AQP9: variants seen among roughly 807,000 people sequenced by gnomAD.
AQP9 encodes the protein aquaporin-9.
AQP9 carries 19 observed loss-of-function variants against 23.8 expected under a neutral mutation model. The ratio of observed to expected loss-of-function variants is 0.80; its 90% CI spans 0.56 to 1.17. The LOEUF is 1.17. Among genes scored for constraint, AQP9 ranks in the 50% most tolerant of loss-of-function variants. AQP9 has a pLI of 0.00. For synonymous variants in AQP9, 153 were observed against 131.5 expected, an observed-to-expected ratio of 1.16 and a Z score of -1.12; for missense variants, 413 against 362.0, an observed-to-expected ratio of 1.14 and a Z score of -1.14.
At chr15:58,163,022 C>A (rs1188105269) in intron 1 of AQP9, among the ~76,000 whole-genome samples, 2 of 152,220 alleles carry the variant, frequency 1.3e-5, no homozygotes, top group Admixed American at 1.3e-4. Flanking sequence ...TTGGTCTTCA[C>A]ATCCATTAAT....
intron 4 of AQP9, among the ~76,000 whole-genome samples, chr15:58,177,605 T>A (rs1898787740): frequency 6.6e-6 from 1 of 152,252 alleles, no homozygotes; most frequent in Non-Finnish European, 1.5e-5. Context: ...ATTCTTCTGC[T>A]TACAAGTTTG....
rs1898020752 is a variant in AQP9, at chr15:58,145,096, G to C, written c.111+6420G>C. Among the ~76,000 whole-genome samples, 3 of 151,296 alleles carry C rather than the reference G, an allele frequency of 2.0e-5. No homozygotes were observed. The South Asian group carries it at 6.3e-4, about 32-fold the overall frequency. On this transcript the variant is annotated intron_variant, in intron 1 of 5. Coordinates refer to ENST00000219919, the MANE Select transcript of AQP9 (RefSeq NM_020980.5). Reference sequence around the variant, plus strand: ...TCCTCTTTTCAATTTTTAAAAAGAAGTTTGTTTTCCATTTCAGTAATTTCT... The same window carrying C: ...TCCTCTTTTCAATTTTTAAAAAGAACTTTGTTTTCCATTTCAGTAATTTCT...
intron 1 of AQP9, among the ~76,000 whole-genome samples, chr15:58,160,917 G>A (rs1898366247): frequency 1.3e-5 from 2 of 152,196 alleles, no homozygotes; most frequent in Non-Finnish European, 2.9e-5. Context: ...ATGAAAATAA[G>A]TGTCATCAGC....
chr15:58,164,934 C>G (rs1898466292), intron 1 of AQP9, among the ~76,000 whole-genome samples: 1 of 152,098 alleles, frequency 6.6e-6, no homozygotes, highest in Non-Finnish European at 1.5e-5. Flanking sequence ...CCATTTTCAG[C>G]TCTATATGAA....
In AQP9 at chr15:58,174,950, C is replaced by T. The variant is rs780139555; in HGVS notation, c.409C>T (p.Leu137=). Residue 137 remains leucine, a synonymous_variant, in exon 4 of 6, where the codon CTG becomes TTG. Transcript: ENST00000219919. The part of the protein sequence containing the change: ...GLMSFAGGKL[L]IVGENATAHI... ...TATGTCCTTTGCTGGTGGAAAACTG[C>T]TGATCGTGGGAGAAAATGCAACAGC... 3 of 1,614,192 alleles carry T rather than the reference C, an allele frequency of 1.9e-6. No individual in the cohort carries two copies. The highest frequency in any genetic ancestry group is 2.5e-6 in the Non-Finnish European group (3 of 1,179,990).
At chr15:58,180,710 C>T (rs747384801) in intron 5 of AQP9, among the ~76,000 whole-genome samples, 1 of 152,102 alleles carries the variant, frequency 6.6e-6, no homozygotes, top group Non-Finnish European at 1.5e-5. Flanking sequence ...TTGGTTGTCA[C>T]GGCTGGACCT....
At chr15:58,143,686 T>A (rs1470016150) in intron 1 of AQP9, among the ~76,000 whole-genome samples, 1 of 152,212 alleles carries the variant, frequency 6.6e-6, no homozygotes, top group South Asian at 2.1e-4. Context: ...AATTTGAGAC[T>A]TTTTCCCAGA....
intron 1 of AQP9, chr15:58,152,401 A>G (rs1308542170): frequency 6.6e-6 from 1 of 152,234 alleles, no homozygotes; most frequent in Non-Finnish European, 1.5e-5. Context: ...GTATTACATT[A>G]ACAGTATTAA....
At chr15:58,176,026 C>A (rs1169200103) in intron 4 of AQP9, among the ~76,000 whole-genome samples, 1 of 152,196 alleles carries the variant, frequency 6.6e-6, no homozygotes, top group Admixed American at 6.5e-5. Flanking sequence ...CTCCAACTTC[C>A]TGCGTGGCTT....
At chr15:58,171,471 T>C (rs148245155) in intron 2 of AQP9, among the ~76,000 whole-genome samples, 3 of 152,268 alleles carry the variant, frequency 2.0e-5, no homozygotes, top group Non-Finnish European at 4.4e-5. Flanking sequence ...GAAGAGAAAC[T>C]TCCCACTGCC....
intron 1 of AQP9, among the ~76,000 whole-genome samples, chr15:58,162,130 C>A (rs181349764): frequency 6.6e-6 from 1 of 152,224 alleles, no homozygotes; most frequent in African/African-American, 2.4e-5. Context: ...GGTTAATTAC[C>A]GTGTCATAAT....
chr15:58,172,087 T>C (rs1262047619), intron 2 of AQP9, among the ~76,000 whole-genome samples: 1 of 152,202 alleles, frequency 6.6e-6, no homozygotes, highest in Admixed American at 6.5e-5. Context: ...ATAAACACGG[T>C]GAAGATGGGC....
chr15:58,184,039 T>C lies in AQP9; in HGVS notation c.792T>C (p.Leu264=), dbSNP rs140578393. 42 of 1,614,136 alleles carry C rather than the reference T, an allele frequency of 2.6e-5. No individual in the cohort carries two copies. In the African/African-American group the frequency reaches 4.5e-4, roughly 17 times the overall value. ...TCATTGGAGGCCTCATCTATGTTCTTGTCATTGAAATCCACCATCCAGAGC... is the reference window on the plus strand; with the variant it reads ...TCATTGGAGGCCTCATCTATGTTCTCGTCATTGAAATCCACCATCCAGAGC... ...GAVIGGLIYV[L]VIEIHHPEPD... Residue 264 remains leucine, a synonymous_variant, in exon 6 of 6, where the codon CTT becomes CTC. Coordinates refer to ENST00000219919, the MANE Select transcript of AQP9 (RefSeq NM_020980.5).
rs1363399591 is a variant in AQP9 at position 58,175,054 on chromosome 15, A to G, written c.495+18A>G. 3 of 1,587,390 alleles carry G rather than the reference A, an allele frequency of 1.9e-6. No homozygotes were observed. In the South Asian group the frequency reaches 3.3e-5, roughly 18 times the overall value. ...CAGATCAAGTAAGTGTAGATTCAAC[A>G]AAGACTTAACTTTGGTGAAAAGATA... is the stretch of plus-strand genomic sequence containing the variant. On this transcript the variant is annotated intron_variant, in intron 4 of 5. Coordinates refer to ENST00000219919, the MANE Select transcript of AQP9 (RefSeq NM_020980.5).
chr15:58,156,528 A>G lies in AQP9; in HGVS notation c.112-10145A>G, dbSNP rs141287570. ...TAGTACATTAAATCATTCATCGAAC[A>G]TAGCGCATTTCAGTCAAGAAACTCC... On this transcript the variant is annotated intron_variant, in intron 1 of 5. Transcript: ENST00000219919. 4.4e-3 allele frequency among the ~76,000 whole-genome samples: 668 copies of G among 152,316 alleles called. 7 individuals are homozygous for G. The highest frequency in any genetic ancestry group is 0.015 in the African/African-American group (613 of 41,588).
At position 58,166,750 on chromosome 15, in the gene AQP9, A is replaced by AT. The variant is rs762320120; in HGVS notation, c.193dup (p.Ser65PhefsTer62). On this transcript the variant is annotated frameshift_variant, in exon 2 of 6. Transcript: ENST00000219919. LOFTEE classifies it high-confidence loss of function. ...GAGGGGTCATCACTATCAATGTTGGATTTTCAATGGCAGTTGCAATGGCCA... is the reference window on the plus strand; with the variant it reads ...GAGGGGTCATCACTATCAATGTTGGATTTTTCAATGGCAGTTGCAATGGCCA... The AT allele has an allele frequency of 1.9e-6, 3 of 1,613,758 alleles. No individual in the cohort carries two copies. The African/African-American group carries it at 4.0e-5, about 22-fold the overall frequency.
intron 1 of AQP9, among the ~76,000 whole-genome samples, chr15:58,149,627 A>G (rs1898111840): frequency 1.3e-5 from 2 of 152,198 alleles, no homozygotes; most frequent in South Asian, 2.1e-4. Context: ...TTATCTTCAT[A>G]TGTTCAAAAG....
At chr15:58,147,889 T>C (rs935485768) in intron 1 of AQP9, among the ~76,000 whole-genome samples, 1 of 136,002 alleles carries the variant, frequency 7.4e-6, no homozygotes, top group Admixed American at 8.0e-5. Flanking sequence ...TATAAACACA[T>C]GCACACACAC....
Position 58,184,199 on chromosome 15 carries a change from T to C in AQP9, c.*64T>C. 1 of 1,545,338 alleles carries C rather than the reference T, an allele frequency of 6.5e-7. No homozygotes were observed. Among genetic ancestry groups the C allele is most frequent in the Non-Finnish European group, 8.8e-7 (1 of 1,130,636 alleles). ...TCTCTTCAGAAAGATGGCATCTAAG[T>C]GTCTGTGTTCTTGTAAGCCTGAGGT... On this transcript the variant is annotated 3_prime_UTR_variant, in exon 6 of 6. Transcript: ENST00000219919.
Sources: gnomAD v4.1 joint callset for allele counts (sites outside exome capture counted in the v4.1 genomes callset) on GRCh38, gnomAD v4.1.1 for gene constraint, MANE v1.5 for transcripts, NCBI Gene and HGNC (gene_info 2026-07-23, HGNC 2026-07-21) for gene names.